Variants in ITPR1 observed in about 807,000 individuals in gnomAD.
ITPR1 encodes the protein inositol 1,4,5-trisphosphate receptor type 1.
Under a neutral mutation model 318.4 loss-of-function variants are expected in ITPR1, and 96 were observed. The ratio of observed to expected loss-of-function variants is 0.30; its 90% CI spans 0.26 to 0.36. The LOEUF (loss-of-function observed/expected upper bound fraction) is 0.36, where lower values mean the gene tolerates loss of function less well. Ranked by LOEUF, ITPR1 falls within the 10% of genes least tolerant of loss-of-function variation. The pLI is 1.00. For synonymous variants in ITPR1, 1,312 were observed against 1,289.9 expected (o/e 1.02, Z -0.37); for missense variants, 2,440 against 3,460.2 (o/e 0.71, Z 7.40).
chr3:4,624,030 C>T (rs549578726), intron 4 of ITPR1, among the ~76,000 whole-genome samples: 16 of 152,272 alleles, frequency 1.1e-4, no homozygotes, highest in Admixed American at 3.9e-4. Flanking sequence ...TGTTAGGTGA[C>T]GTGCTTGACT....
chr3:4,657,099 C>T (rs1343839051), intron 12 of ITPR1, among the ~76,000 whole-genome samples: 1 of 152,230 alleles, frequency 6.6e-6, no homozygotes, highest in Non-Finnish European at 1.5e-5. Context: ...AGGAGAGGCC[C>T]GTCTTCCCTG....
intron 4 of ITPR1, among the ~76,000 whole-genome samples, chr3:4,602,577 T>G (rs1348306135): frequency 6.6e-6 from 1 of 151,506 alleles, no homozygotes; most frequent in African/African-American, 2.4e-5. Context: ...ATAGCAACAT[T>G]ATTCATCGTA....
At chr3:4,508,445 G>A (rs1045155215) in intron 2 of ITPR1, among the ~76,000 whole-genome samples, 4 of 143,482 alleles carry the variant, frequency 2.8e-5, no homozygotes, top group East Asian at 2.0e-4. Context: ...CTGTGTAGGC[G>A]AAAATCAAGG....
intron 36 of ITPR1, among the ~76,000 whole-genome samples, chr3:4,705,085 A>T (rs1247186323): frequency 1.3e-5 from 2 of 151,784 alleles, no homozygotes; most frequent in African/African-American, 2.4e-5. Flanking sequence ...TTCCTCTTTC[A>T]GGATGTTGGA....
chr3:4,596,411 G>A (rs1227554201), intron 4 of ITPR1, among the ~76,000 whole-genome samples: 2 of 152,114 alleles, frequency 1.3e-5, no homozygotes, highest in East Asian at 3.8e-4. Context: ...CTTATTAGCT[G>A]AGTGAAGTAA....
chr3:4,674,298 G>A lies in ITPR1; in HGVS notation c.2553G>A (p.Gln851=). The A allele has an allele frequency of 6.2e-7, 1 of 1,604,222 alleles. No individual in the cohort carries two copies. Among genetic ancestry groups the A allele is most frequent in the Non-Finnish European group, 8.5e-7 (1 of 1,174,632 alleles). Residue 851 remains glutamine, a synonymous_variant, in exon 22 of 62, where the codon CAG becomes CAA. Transcript: ENST00000649015. ...VEEYLRDVVC[Q]RFPFSDKEKN... is the part of the protein sequence containing the mutation. ...AGTATTTAAGAGATGTGGTTTGTCAGAGGTTCCCTTTCTCTGATAAAGAGA... is the reference window on the plus strand; with the variant it reads ...AGTATTTAAGAGATGTGGTTTGTCAAAGGTTCCCTTTCTCTGATAAAGAGA...
chr3:4,538,929 G>T (rs150675483), intron 4 of ITPR1, among the ~76,000 whole-genome samples: 4 of 152,102 alleles, frequency 2.6e-5, no homozygotes, highest in Admixed American at 6.6e-5. Context: ...TGCATGCGGG[G>T]CTTAATACCT....
chr3:4,602,598 A>T (rs1041012218), intron 4 of ITPR1, among the ~76,000 whole-genome samples: 28 of 152,136 alleles, frequency 1.8e-4, no homozygotes, highest in Non-Finnish European at 5.9e-5. Flanking sequence ...GCTAAAAAGT[A>T]GAAACAACTC....
intron 52 of ITPR1, among the ~76,000 whole-genome samples, chr3:4,789,954 T>A (rs1315335585): frequency 2.0e-5 from 3 of 152,210 alleles, no homozygotes; most frequent in Non-Finnish European, 4.4e-5. Context: ...CCATGATAGT[T>A]AATAGGCTGT....
At chr3:4,584,155 C>G (rs892710505) in intron 4 of ITPR1, among the ~76,000 whole-genome samples, 4 of 152,064 alleles carry the variant, frequency 2.6e-5, no homozygotes, top group African/African-American at 9.7e-5. Context: ...TTATTATTAT[C>G]TTCAGTACCT....
chr3:4,815,737 A>G (rs1559946304), intron 59 of ITPR1, among the ~76,000 whole-genome samples: 1 of 152,164 alleles, frequency 6.6e-6, no homozygotes, highest in Non-Finnish European at 1.5e-5. Context: ...GAGCTGAGTA[A>G]TCATTTCAGG....
At chr3:4,772,802 G>A (rs1575193787) in intron 46 of ITPR1, among the ~76,000 whole-genome samples, 5 of 152,296 alleles carry the variant, frequency 3.3e-5, no homozygotes, top group Admixed American at 3.3e-4. Context: ...CTCTGTTTAT[G>A]GAGAGGGCCA....
At chr3:4,667,910 A>G (rs1430050182) in intron 18 of ITPR1, among the ~76,000 whole-genome samples, 1 of 152,156 alleles carries the variant, frequency 6.6e-6, no homozygotes, top group African/African-American at 2.4e-5. Context: ...CTTTTTAAAA[A>G]ATGTTCTTAA....
chr3:4,715,854 A>G (rs1052487210), intron 39 of ITPR1, among the ~76,000 whole-genome samples: 1 of 152,198 alleles, frequency 6.6e-6, no homozygotes, highest in Non-Finnish European at 1.5e-5. Context: ...CTCCATCTCA[A>G]AACAACAACG....
At chr3:4,708,838 A>T (rs904624709) in intron 37 of ITPR1, among the ~76,000 whole-genome samples, 2 of 152,248 alleles carry the variant, frequency 1.3e-5, no homozygotes, top group African/African-American at 4.8e-5. Context: ...ACTCGCAAAC[A>T]GACCACTTCT....
chr3:4,738,854 C>T (rs938248493), intron 44 of ITPR1, among the ~76,000 whole-genome samples: 40 of 151,912 alleles, frequency 2.6e-4, no homozygotes, highest in Admixed American at 1.8e-3. Context: ...CTTGGGGGAA[C>T]GCAGGGGTGG....
chr3:4,771,144 A>G (rs2046160767), intron 46 of ITPR1, among the ~76,000 whole-genome samples: 1 of 152,168 alleles, frequency 6.6e-6, no homozygotes, highest in Non-Finnish European at 1.5e-5. Context: ...GTGTCATTTA[A>G]TCAATATCAG....
chr3:4,499,634 CT>C (rs1450874136), intron 2 of ITPR1, among the ~76,000 whole-genome samples: 2 of 152,034 alleles, frequency 1.3e-5, no homozygotes, highest in Non-Finnish European at 2.9e-5. Flanking sequence ...CTCTACAGAT[CT>C]TTTTTCCATG....
chr3:4,845,456 G>A (rs755059873), intron 61 of ITPR1, among the ~76,000 whole-genome samples: 19 of 152,188 alleles, frequency 1.2e-4, no homozygotes, highest in Non-Finnish European at 2.1e-4. Flanking sequence ...TCGGCTTCTT[G>A]TTTGGGATTT....
Sources: gnomAD v4.1 joint callset for allele counts (sites outside exome capture counted in the v4.1 genomes callset) on GRCh38, gnomAD v4.1.1 for gene constraint, MANE v1.5 for transcripts, NCBI Gene and HGNC (gene_info 2026-07-23, HGNC 2026-07-21) for gene names.